The following ETS2 variants were observed in gnomAD, a reference collection of about 807,000 sequenced individuals.
The protein encoded by ETS2 is protein C-ets-2.
In ETS2, 19 loss-of-function variants were observed where a neutral mutation model predicts 54.9. The observed-to-expected ratio is 0.35, with a 90% CI of 0.24 to 0.51. ETS2 has a LOEUF of 0.51. Among genes scored for constraint, ETS2 ranks in the 20% least tolerant of loss-of-function variants. The pLI is 0.97. For synonymous variants in ETS2, 219 were observed against 229.3 expected (o/e 0.95, Z 0.41); for missense variants, 417 against 593.0 (o/e 0.70, Z 3.08).
At position 38,823,155 on chromosome 21, in the gene ETS2, G is replaced by C. The variant is rs2060965406; in HGVS notation, c.*266G>C. On this transcript the variant is annotated 3_prime_UTR_variant, in exon 10 of 10. Transcript: ENST00000360938. ...GCACCAGGAAGCCGTCCTGGCGCCT[G>C]GCAGTCCGTGGGACGGGATGGTTCT... The C allele has an allele frequency of 3.1e-6, 1 of 319,738 alleles. No individual in the cohort carries two copies. Among genetic ancestry groups the C allele is most frequent in the South Asian group, 1.1e-4 (1 of 9,346 alleles). The allele number at this position is 319,738 out of a possible 1,614,324, so 19.8% of individuals were successfully genotyped here. A position where few individuals can be genotyped will look rare whatever the true frequency, so the allele number is the denominator to read the frequency against.
intron 2 of ETS2, among the ~76,000 whole-genome samples, chr21:38,811,641 C>T (rs899928661): frequency 1.3e-5 from 2 of 152,128 alleles, no homozygotes; most frequent in African/African-American, 4.8e-5. Context: ...CAGATATTAT[C>T]GGTTACTTTC....
rs2060907398 is a variant in ETS2 at position 38,809,930 on chromosome 21, C to T, written c.1-105C>T. 4 of 677,418 alleles carry T rather than the reference C, an allele frequency of 5.9e-6. No homozygotes were observed. The African/African-American group carries it at 7.7e-5, about 13-fold the overall frequency. 42.0% of individuals were successfully genotyped at this position (677,418 alleles called of 1,614,324 possible). A position where few individuals can be genotyped will look rare whatever the true frequency, so the allele number is the denominator to read the frequency against. On this transcript the variant is annotated intron_variant, in intron 1 of 9. Transcript: ENST00000360938. ...TTCCCTGCATTCACTTTTGAATTAC[C>T]TGTTAGCTGTAGAACTCAGCCAGGA... is the stretch of plus-strand genomic sequence containing the variant.
At chr21:38,808,599 T>TGTGTGA (rs1406597079) in intron 1 of ETS2, among the ~76,000 whole-genome samples, 1 of 151,708 alleles carries the variant, frequency 6.6e-6, no homozygotes, top group Admixed American at 6.6e-5. Context: ...TATGTGTGTG[T>TGTGTGA]GTGTGTGTGT....
rs1338610684 is a variant in ETS2, at chr21:38,821,405, C to T, written c.1076-181C>T. On this transcript the variant is annotated intron_variant, in intron 8 of 9. Coordinates refer to ENST00000360938, the MANE Select transcript of ETS2 (RefSeq NM_005239.6). This position sits in a 1 kb window ranked among gnomAD's most constrained non-coding sequence, Gnocchi z 4.2. ...TCACATTTGGTGCCCCGCCCCATCCCGTTAAAGCACTTAGTACTGTCACCA... is the reference window on the plus strand; with the variant it reads ...TCACATTTGGTGCCCCGCCCCATCCTGTTAAAGCACTTAGTACTGTCACCA... Among the ~76,000 whole-genome samples the T allele has an allele frequency of 1.3e-5, 2 of 152,156 alleles. No homozygotes were observed. Among genetic ancestry groups the T allele is most frequent in the Admixed American group, 6.5e-5 (1 of 15,272 alleles).
At chr21:38,816,944 C>A in intron 5 of ETS2, 64 bp from the exon 6 acceptor site, 2 of 869,882 alleles carry the variant, frequency 2.3e-6, no homozygotes, top group South Asian at 2.7e-5. Flanking sequence ...TTCAGAAAGT[C>A]AATTTGTTCT....
In ETS2 at chr21:38,814,322, G is replaced by A. The variant is rs1413810886; in HGVS notation, c.234G>A (p.Val78=). The part of the protein sequence containing the change: ...LPLLTPCSKA[V]MSQALKATFS... ...TGTTAACCCCGTGCAGCAAGGCTGT[G>A]ATGAGTCAAGCCTTAAAAGCTACCT... The change falls in exon 4 of 10, where the codon GTG becomes GTA. Residue 78 remains valine (V), a synonymous_variant. Coordinates refer to ENST00000360938, the MANE Select transcript of ETS2 (RefSeq NM_005239.6). This position sits in a 1 kb window ranked among gnomAD's most constrained non-coding sequence, Gnocchi z 4.2. The A allele has an allele frequency of 1.2e-6, 2 of 1,613,956 alleles. No homozygotes were observed. The highest frequency in any genetic ancestry group is 2.2e-5 in the East Asian group (1 of 44,874).
In ETS2 at chr21:38,810,197, T is replaced by C. The variant is rs115486003; in HGVS notation, c.72+91T>C. 2.1e-3 allele frequency: 1,526 copies of C among 720,462 alleles called. 9 individuals are homozygous for C. The African/African-American group carries it at 0.021, about 10-fold the overall frequency. The allele number at this position is 720,462 out of a possible 1,614,324, so 44.6% of individuals were successfully genotyped here. A position where few individuals can be genotyped will look rare whatever the true frequency, so the allele number is the denominator to read the frequency against. On this transcript the variant is annotated intron_variant, in intron 2 of 9. Coordinates refer to ENST00000360938, the MANE Select transcript of ETS2 (RefSeq NM_005239.6). Reference sequence around the variant, plus strand: ...AAAGGCCTGGGTCCCAGAAAACTGGTTGTAGCCCTAGCTTCTTAATTTATT... The same window carrying C: ...AAAGGCCTGGGTCCCAGAAAACTGGCTGTAGCCCTAGCTTCTTAATTTATT...
chr21:38,813,039 T>G lies in ETS2; in HGVS notation c.109T>G (p.Phe37Val). The G allele has an allele frequency of 6.2e-7, 1 of 1,614,180 alleles. No homozygotes were observed. Among genetic ancestry groups the G allele is most frequent in the Non-Finnish European group, 8.5e-7 (1 of 1,179,990 alleles). Residue 37 changes from phenylalanine to valine, a missense_variant, in exon 3 of 10, where the codon TTT becomes GTT. By Grantham distance (50) the Phe-to-Val change is conservative. Coordinates refer to ENST00000360938, the MANE Select transcript of ETS2 (RefSeq NM_005239.6). Reference sequence around the variant, plus strand: ...CTTTGACACCTTTGATGGGTCCCTGTTTGCTGTTTTTCCTTCTCTAAATGA... The same window carrying G: ...CTTTGACACCTTTGATGGGTCCCTGGTTGCTGTTTTTCCTTCTCTAAATGA... ...PAFDTFDGSLFAVFPSLNEEQ... is the reference protein window; with the variant it reads ...PAFDTFDGSLVAVFPSLNEEQ...
At position 38,814,766 on chromosome 21, in the gene ETS2, C is replaced by T. The variant is rs1313829068; in HGVS notation, c.305-15C>T. ...TTTTACCTCATGTGTTCCATTTTTT[C>T]TTCTCTCCTGGTAGACCCCTGGCTG... On this transcript the variant is annotated splice_polypyrimidine_tract_variant and intron_variant, in intron 4 of 9. Transcript: ENST00000360938. The surrounding 1 kb of genome is among the most constrained non-coding windows in gnomAD (Gnocchi z 4.2). The T allele has an allele frequency of 3.1e-6, 5 of 1,606,810 alleles. No homozygotes were observed. In the Admixed American group the frequency reaches 5.1e-5, roughly 17 times the overall value.
intron 2 of ETS2, among the ~76,000 whole-genome samples, chr21:38,810,506 C>T (rs576816611): frequency 2.6e-5 from 4 of 152,306 alleles, no homozygotes; most frequent in East Asian, 1.9e-4. Flanking sequence ...CAGACCCAAC[C>T]GCTACAGCTC....
At chr21:38,815,794 G>C (rs1369760021) in intron 5 of ETS2, among the ~76,000 whole-genome samples, 1 of 150,614 alleles carries the variant, frequency 6.6e-6, no homozygotes, top group Non-Finnish European at 1.5e-5. Flanking sequence ...AAAAATATTA[G>C]CTGGGCATAG....
rs981921077 is a variant in ETS2, at chr21:38,821,043, G to A, written c.1076-543G>A. Among the ~76,000 whole-genome samples, 4 of 152,164 alleles carry A rather than the reference G, an allele frequency of 2.6e-5. No homozygotes were observed. The highest frequency in any genetic ancestry group is 7.2e-5 in the African/African-American group (3 of 41,430). ...CCAGACAGAGGCTGTGAGGCAACGG[G>A]TGTGACCCCGCGTGGCTATTGAGTA... On this transcript the variant is annotated intron_variant, in intron 8 of 9. Coordinates refer to ENST00000360938, the MANE Select transcript of ETS2 (RefSeq NM_005239.6). This position sits in a 1 kb window ranked among gnomAD's most constrained non-coding sequence, Gnocchi z 4.2.
intron 2 of ETS2, among the ~76,000 whole-genome samples, chr21:38,810,695 A>G (rs1296899496): frequency 1.3e-5 from 2 of 152,220 alleles, no homozygotes; most frequent in Non-Finnish European, 2.9e-5. Context: ...TTAGTAGCAC[A>G]AACTGGTAAT....
intron 7 of ETS2, 38 bp from the exon 8 acceptor site, chr21:38,819,465 T>A: frequency 3.1e-6 from 5 of 1,607,098 alleles, no homozygotes; most frequent in Non-Finnish European, 4.3e-6. Flanking sequence ...AACTGTGTCC[T>A]GGAGGAATCA....
At chr21:38,813,679 G>A (rs112116324) in intron 3 of ETS2, among the ~76,000 whole-genome samples, 35 of 152,362 alleles carry the variant, frequency 2.3e-4, no homozygotes, top group African/African-American at 7.9e-4. Context: ...AGAGATGACT[G>A]TGTCATGTGA....
Position 38,819,549 on chromosome 21 carries a change from C to T in ETS2, c.858C>T (p.Phe286=), listed in dbSNP as rs1471940911. ...CCCCTGAGAACGGTGCGGACAGCTTCGAGAGCTCAGACTCCCTCCTCCAGT... is the reference window on the plus strand; with the variant it reads ...CCCCTGAGAACGGTGCGGACAGCTTTGAGAGCTCAGACTCCCTCCTCCAGT... ...HDSPENGADS[F]ESSDSLLQSW... Residue 286 remains phenylalanine (F), a synonymous_variant, in exon 8 of 10, where the codon TTC becomes TTT. Coordinates refer to ENST00000360938, the MANE Select transcript of ETS2 (RefSeq NM_005239.6). The T allele has an allele frequency of 1.2e-6, 2 of 1,614,050 alleles. No homozygotes were observed. Among genetic ancestry groups the T allele is most frequent in the Non-Finnish European group, 1.7e-6 (2 of 1,180,016 alleles).
chr21:38,818,777 T>A, intron 7 of ETS2, 131 bp downstream of exon 7: 1 of 1,073,646 alleles, frequency 9.3e-7, no homozygotes. Context: ...ATGTTCTAAG[T>A]GGATTTCCAA....
chr21:38,810,003 G>T, intron 1 of ETS2, 32 bp from the exon 2 acceptor site: 1 of 1,450,384 alleles, frequency 6.9e-7, no homozygotes, highest in South Asian at 1.3e-5. Flanking sequence ...TTAATCTTTT[G>T]CCTCTTTGAC....
chr21:38,818,013 A>G (rs1406995000), intron 6 of ETS2, among the ~76,000 whole-genome samples: 1 of 152,236 alleles, frequency 6.6e-6, no homozygotes, highest in East Asian at 1.9e-4. Context: ...AGCAGAAAGC[A>G]GAGTGGGCTG....
Sources: allele counts gnomAD v4.1 joint callset (sites outside exome capture counted in the v4.1 genomes callset), GRCh38; gene constraint gnomAD v4.1.1; non-coding constraint Gnocchi (gnomAD v3.1); transcripts MANE v1.5; gene names NCBI Gene and HGNC (gene_info 2026-07-23, HGNC 2026-07-21).